The following IGSF11 variants were observed in gnomAD, a reference collection of about 807,000 sequenced individuals.
The protein encoded by IGSF11 is immunoglobulin superfamily member 11, also known as CXADR like 1.
In IGSF11, 22 loss-of-function variants were observed where a neutral mutation model predicts 41.0. The observed-to-expected ratio is 0.54, with a 90% confidence interval of 0.38 to 0.77. The LOEUF (loss-of-function observed/expected upper bound fraction) is 0.77, where lower values mean the gene tolerates loss of function less well. IGSF11 is among the 30% of genes least tolerant of loss of function. IGSF11 has a pLI of 0.00. For missense variants in IGSF11, 444 were observed against 530.8 expected (o/e 0.84, Z 1.61); for synonymous variants, 219 against 201.3 (o/e 1.09, Z -0.74).
At chr3:119,039,863 G>T (rs183293703) in intron 1 of IGSF11, among the ~76,000 whole-genome samples, 156 of 152,286 alleles carry the variant, frequency 1.0e-3, no homozygotes, top group African/African-American at 3.7e-3. Context: ...TTATGACGGA[G>T]ACAGTGAAAG....
intron 5 of IGSF11, among the ~76,000 whole-genome samples, 174 bp downstream of exon 5, chr3:118,905,422 G>C (rs1939467582): frequency 6.6e-6 from 1 of 152,148 alleles, no homozygotes; most frequent in African/African-American, 2.4e-5. Context: ...GCTGAGGCTG[G>C]AAAGTATACT....
chr3:118,995,929 T>C (rs1936228080), intron 1 of IGSF11, among the ~76,000 whole-genome samples: 1 of 152,170 alleles, frequency 6.6e-6, no homozygotes, highest in Non-Finnish European at 1.5e-5. Flanking sequence ...ATGACAGGCG[T>C]GAGCCACTGC....
At chr3:119,141,117 T>C (rs145283779) in intron 1 of IGSF11, among the ~76,000 whole-genome samples, 1 of 139,010 alleles carries the variant, frequency 7.2e-6, no homozygotes, top group African/African-American at 2.7e-5. Flanking sequence ...ACAGAAAAAA[T>C]TTAGAAAAAT....
intron 1 of IGSF11, among the ~76,000 whole-genome samples, chr3:118,942,202 G>T (rs534391014): frequency 6.6e-6 from 1 of 152,248 alleles, no homozygotes; most frequent in East Asian, 1.9e-4. Flanking sequence ...CATGGAAATG[G>T]CTTGAAAAAC....
intron 1 of IGSF11, among the ~76,000 whole-genome samples, chr3:119,119,633 A>G (rs1057445134): frequency 6.6e-6 from 1 of 152,172 alleles, no homozygotes; most frequent in Admixed American, 6.5e-5. Context: ...TGCTTTTGGA[A>G]TTCCATTACA....
chr3:118,935,104 T>A (rs1024517218), intron 1 of IGSF11, among the ~76,000 whole-genome samples: 5 of 151,758 alleles, frequency 3.3e-5, no homozygotes, highest in African/African-American at 1.2e-4. Context: ...TACCTTGCGA[T>A]TATATAACAA....
intron 1 of IGSF11, among the ~76,000 whole-genome samples, chr3:119,096,981 TTC>T (rs1243228708): frequency 1.3e-5 from 2 of 152,196 alleles, no homozygotes; most frequent in African/African-American, 4.8e-5. Flanking sequence ...TACCAAGTTT[TTC>T]TCATGCTGCC....
Position 118,902,457 on chromosome 3 carries a change from AC to A in IGSF11, c.*62del. The A allele has an allele frequency of 3.4e-6, 1 of 294,470 alleles. No homozygotes were observed. The highest frequency in any genetic ancestry group is 6.8e-6 in the Non-Finnish European group (1 of 147,708). The allele number at this position is 294,470 out of a possible 1,614,324, so 18.2% of individuals were successfully genotyped here. A position where few individuals can be genotyped will look rare whatever the true frequency, so the allele number is the denominator to read the frequency against. On this transcript the variant is annotated 3_prime_UTR_variant, in exon 7 of 7. Coordinates refer to ENST00000393775, the MANE Select transcript of IGSF11 (RefSeq NM_001015887.3). ...TTTCTTTCCCAGCACTCCCCACCCC[AC>A]CCTCCCCCTTGTATGAGGGCATTCC... is the stretch of plus-strand genomic sequence containing the variant.
chr3:119,120,923 T>A (rs1012394745), intron 1 of IGSF11, among the ~76,000 whole-genome samples: 2 of 152,232 alleles, frequency 1.3e-5, no homozygotes, highest in African/African-American at 4.8e-5. Context: ...AGGAAAATTC[T>A]ACTGAGAACT....
Position 118,902,467 on chromosome 3 carries a change from T to A in IGSF11, c.*53A>T. The A allele has an allele frequency of 1.6e-5, 5 of 314,654 alleles. No individual in the cohort carries two copies. The highest frequency in any genetic ancestry group is 7.7e-5 in the East Asian group (1 of 12,952). 19.5% of individuals were successfully genotyped at this position (314,654 alleles called of 1,614,324 possible). On this transcript the variant is annotated 3_prime_UTR_variant, in exon 7 of 7. Coordinates refer to ENST00000393775, the MANE Select transcript of IGSF11 (RefSeq NM_001015887.3). ...AGCACTCCCCACCCCACCCTCCCCC[T>A]TGTATGAGGGCATTCCATTTATTCA...
intron 1 of IGSF11, among the ~76,000 whole-genome samples, chr3:118,985,451 T>C (rs1456579552): frequency 6.6e-6 from 1 of 152,176 alleles, no homozygotes; most frequent in East Asian, 1.9e-4. Flanking sequence ...AAGACTAATG[T>C]TCAAAAGCTG....
At chr3:118,954,435 A>G (rs193188015) in intron 1 of IGSF11, among the ~76,000 whole-genome samples, 68 of 152,046 alleles carry the variant, frequency 4.5e-4, no homozygotes, top group Non-Finnish European at 9.0e-4. Flanking sequence ...TTATTTTGCT[A>G]TTTCCAACAC....
chr3:119,022,418 AATGTT>A (rs1243908829), intron 1 of IGSF11, among the ~76,000 whole-genome samples: 1 of 152,192 alleles, frequency 6.6e-6, no homozygotes, highest in Non-Finnish European at 1.5e-5. Flanking sequence ...TAAAATGGTA[AATGTT>A]ATGTTATATA....
chr3:119,063,842 A>C (rs909229811), intron 1 of IGSF11, among the ~76,000 whole-genome samples: 2 of 152,242 alleles, frequency 1.3e-5, no homozygotes, highest in African/African-American at 4.8e-5. Flanking sequence ...AGAAGGAAAG[A>C]GGCCAGGAAG....
intron 1 of IGSF11, among the ~76,000 whole-genome samples, chr3:119,026,934 A>AT (rs1220014512): frequency 6.6e-6 from 1 of 152,200 alleles, no homozygotes; most frequent in Non-Finnish European, 1.5e-5. Context: ...ACTGACAGTC[A>AT]TTTGCGGCCA....
chr3:118,942,822 C>T (rs1341073666), intron 1 of IGSF11, among the ~76,000 whole-genome samples: 3 of 152,144 alleles, frequency 2.0e-5, no homozygotes, highest in Admixed American at 2.0e-4. Context: ...AACAGGCTTC[C>T]TGTCTCTTGT....
At position 118,902,466 on chromosome 3, in the gene IGSF11, C is replaced by CATTT; in HGVS notation, c.*53_*54insAAAT. The CATTT allele has an allele frequency of 1.1e-6, 1 of 878,270 alleles. No homozygotes were observed. Among genetic ancestry groups the CATTT allele is most frequent in the Non-Finnish European group, 1.8e-6 (1 of 544,884 alleles). The allele number at this position is 878,270 out of a possible 1,614,324, so 54.4% of individuals were successfully genotyped here. Reference sequence around the variant, plus strand: ...CAGCACTCCCCACCCCACCCTCCCCCTTGTATGAGGGCATTCCATTTATTC... The same window carrying CATTT: ...CAGCACTCCCCACCCCACCCTCCCCCATTTTTGTATGAGGGCATTCCATTTATTC... On this transcript the variant is annotated 3_prime_UTR_variant, in exon 7 of 7. Coordinates refer to ENST00000393775, the MANE Select transcript of IGSF11 (RefSeq NM_001015887.3).
intron 1 of IGSF11, among the ~76,000 whole-genome samples, chr3:118,964,865 A>C (rs1304837630): frequency 6.6e-6 from 1 of 152,218 alleles, no homozygotes. Flanking sequence ...TAGCCTCAGA[A>C]TACAATAGTT....
intron 1 of IGSF11, among the ~76,000 whole-genome samples, chr3:119,134,925 T>C (rs1273528479): frequency 6.6e-6 from 1 of 152,178 alleles, no homozygotes; most frequent in Non-Finnish European, 1.5e-5. Flanking sequence ...TACAACCATC[T>C]GATCTTTGAC....
Sources: allele counts gnomAD v4.1 joint callset (sites outside exome capture counted in the v4.1 genomes callset), GRCh38; gene constraint gnomAD v4.1.1; transcripts MANE v1.5; gene names NCBI Gene and HGNC (gene_info 2026-07-23, HGNC 2026-07-21).